The following PSME4 variants were observed in gnomAD, a reference collection of about 807,000 sequenced individuals.
The protein encoded by PSME4 is proteasome activator complex subunit 4.
Under a neutral mutation model 253.9 loss-of-function variants are expected in PSME4, and 89 were observed. The ratio of observed to expected loss-of-function variants is 0.35; its 90% CI spans 0.30 to 0.42. PSME4 has a LOEUF of 0.42. Among genes scored for constraint, PSME4 ranks in the 10% least tolerant of loss-of-function variants. PSME4 has a pLI of 1.00. For synonymous variants in PSME4, 851 were observed against 759.2 expected (o/e 1.12, Z -1.99); for missense variants, 2,014 against 2,195.2 (o/e 0.92, Z 1.65).
chr2:53,947,785 G>A lies in PSME4; in HGVS notation c.500+636C>T, dbSNP rs191564700. Among the ~76,000 whole-genome samples, 219 of 152,266 alleles carry A rather than the reference G, an allele frequency of 1.4e-3. 2 individuals carry two copies. The highest frequency in any genetic ancestry group is 6.8e-3 in the South Asian group (33 of 4,830). On this transcript the variant is annotated intron_variant, in intron 3 of 46. Transcript: ENST00000404125. Reference sequence around the variant, plus strand: ...AATCCCAGGACTTTGGGAGGCCAAGGCAGGCAGATCACCTGAGGTCAGGAG... The same window carrying A: ...AATCCCAGGACTTTGGGAGGCCAAGACAGGCAGATCACCTGAGGTCAGGAG...
chr2:53,934,551 G>C, intron 8 of PSME4, 54 bp downstream of exon 8: 1 of 1,553,424 alleles, frequency 6.4e-7, no homozygotes, highest in Non-Finnish European at 8.8e-7. Context: ...ATTTTTGTAA[G>C]GTTAACACAA....
chr2:53,923,913 CAAAAAAAAAA>C (rs199929436), intron 14 of PSME4, among the ~76,000 whole-genome samples: 4,481 of 96,532 alleles, frequency 0.046, 47 homozygotes, highest in East Asian at 0.11. Flanking sequence ...ACAGAGTTAA[CAAAAAAAAAA>C]AAAAAAAAAA....
intron 1 of PSME4, among the ~76,000 whole-genome samples, chr2:53,952,322 C>T (rs913885726): frequency 1.3e-5 from 2 of 152,144 alleles, no homozygotes; most frequent in Non-Finnish European, 2.9e-5. Flanking sequence ...GCAGACGGAT[C>T]ACGAGGTCAA....
intron 2 of PSME4, among the ~76,000 whole-genome samples, 184 bp downstream of exon 2, chr2:53,948,959 G>C (rs1169571132): frequency 6.6e-6 from 1 of 152,184 alleles, no homozygotes; most frequent in African/African-American, 2.4e-5. Flanking sequence ...TCATGGAAGA[G>C]ATGGAATTTT....
chr2:53,933,375 C>CAAAAAAAAAAAAAAAAAAAAA lies in PSME4; in HGVS notation c.958-636_958-616dup, dbSNP rs571833072. Among the ~76,000 whole-genome samples, 11 of 60,614 alleles carry CAAAAAAAAAAAAAAAAAAAAA rather than the reference C, an allele frequency of 1.8e-4. 1 individual carries two copies. Among genetic ancestry groups the CAAAAAAAAAAAAAAAAAAAAA allele is most frequent in the African/African-American group, 5.0e-4 (6 of 11,932 alleles). The allele number at this position is 60,614 out of a possible 152,430, so 39.8% of individuals were successfully genotyped here. ...CCTGGGCGATAGAGCGAGACCATCT[C>CAAAAAAAAAAAAAAAAAAAAA]AAAAAAAAAAAAAAAAAAAAAAAAA... On this transcript the variant is annotated intron_variant, in intron 8 of 46. Transcript: ENST00000404125.
chr2:53,914,168 C>T (rs1387890170), intron 20 of PSME4, among the ~76,000 whole-genome samples: 4 of 152,120 alleles, frequency 2.6e-5, no homozygotes, highest in Admixed American at 6.5e-5. Flanking sequence ...GACTCCTCTA[C>T]CTTGAGTAAC....
intron 14 of PSME4, among the ~76,000 whole-genome samples, chr2:53,923,913 C>CAAAAAAAAAAAAAAAAAAAAAAAAAAAAA (rs199929436): frequency 1.0e-5 from 1 of 96,876 alleles, no homozygotes; most frequent in Non-Finnish European, 2.0e-5. Flanking sequence ...ACAGAGTTAA[C>CAAAAAAAAAAAAAAAAAAAAAAAAAAAAA]AAAAAAAAAA....
intron 20 of PSME4, 136 bp from the exon 21 acceptor site, chr2:53,910,266 A>T (rs1667770719): frequency 4.3e-6 from 3 of 696,170 alleles, no homozygotes; most frequent in Non-Finnish European, 7.6e-6. Context: ...CCCATCTTCA[A>T]TGGGAAAAAT....
At chr2:53,955,257 G>A (rs1047836858) in intron 1 of PSME4, among the ~76,000 whole-genome samples, 1 of 152,156 alleles carries the variant, frequency 6.6e-6, no homozygotes, top group Non-Finnish European at 1.5e-5. Flanking sequence ...TCTAGTATGA[G>A]AATGGCTTGT....
intron 4 of PSME4, 145 bp downstream of exon 4, chr2:53,939,811 A>G: frequency 1.7e-6 from 1 of 577,848 alleles, no homozygotes; most frequent in Middle Eastern, 2.9e-4. Context: ...CAGTTAATGA[A>G]CTGGAAACGG....
intron 1 of PSME4, among the ~76,000 whole-genome samples, chr2:53,959,001 G>A (rs1670358821): frequency 6.6e-6 from 1 of 152,046 alleles, no homozygotes; most frequent in Non-Finnish European, 1.5e-5. Flanking sequence ...AACAAATGGC[G>A]AGAAATAAGG....
At position 53,874,477 on chromosome 2, in the gene PSME4, A is replaced by G; in HGVS notation, c.4962T>C (p.Ser1654=). 6.2e-7 allele frequency: 1 copy of G among 1,613,794 alleles called. No individual in the cohort carries two copies. Among genetic ancestry groups the G allele is most frequent in the Non-Finnish European group, 8.5e-7 (1 of 1,179,928 alleles). The change falls in exon 43 of 47, where the codon TCT becomes TCC. Residue 1654 remains serine, a synonymous_variant. Transcript: ENST00000404125. ...QVLKQTARSS[S]WHARYTVLTY... ...TCAGTACTGTGTATCGTGCATGCCA[A>G]GAACTGCTTCTTGCTGTCTGTGAAT...
chr2:53,965,287 CG>C (rs1670665788), intron 1 of PSME4, among the ~76,000 whole-genome samples: 1 of 149,856 alleles, frequency 6.7e-6, no homozygotes, highest in Non-Finnish European at 1.5e-5. Context: ...CTCCCTCTGT[CG>C]CCTAGCCTGG....
At chr2:53,895,799 T>A in intron 32 of PSME4, 63 bp from the exon 33 acceptor site, 1 of 1,429,350 alleles carries the variant, frequency 7.0e-7, no homozygotes, top group Non-Finnish European at 9.5e-7. Context: ...TATTACCAAA[T>A]TTCAATCAAC....
At chr2:53,884,504 G>T (rs544385086) in intron 41 of PSME4, among the ~76,000 whole-genome samples, 2 of 151,980 alleles carry the variant, frequency 1.3e-5, no homozygotes, top group African/African-American at 4.8e-5. Context: ...CCACCACACC[G>T]GGCCTCTATC....
intron 22 of PSME4, 65 bp downstream of exon 22, chr2:53,908,719 A>C: frequency 6.8e-7 from 1 of 1,461,628 alleles, no homozygotes; most frequent in Admixed American, 2.0e-5. Context: ...CATGCATGTT[A>C]TAGATTAAAA....
At chr2:53,909,514 T>C (rs1667728928) in intron 21 of PSME4, among the ~76,000 whole-genome samples, 1 of 152,182 alleles carries the variant, frequency 6.6e-6, no homozygotes. Flanking sequence ...CCTCTGTACA[T>C]AGCATTCAAA....
At chr2:53,926,500 C>G (rs901706688) in intron 12 of PSME4, among the ~76,000 whole-genome samples, 1 of 152,082 alleles carries the variant, frequency 6.6e-6, no homozygotes, top group Non-Finnish European at 1.5e-5. Context: ...ATGGCAAAAC[C>G]CCATCGCTAC....
chr2:53,908,806 A>G lies in PSME4; in HGVS notation c.2607T>C (p.Ala869=), dbSNP rs749746682. 3.1e-6 allele frequency: 5 copies of G among 1,604,946 alleles called. No homozygotes were observed. In the Admixed American group the frequency reaches 8.4e-5, roughly 27 times the overall value. ...TACTAAGAAGTTTCCTTATAACTGT[A>G]GCAATTACTTCTCGGTGGTTCTCTC... is the stretch of plus-strand genomic sequence containing the variant. ...LSRENHREVI[A]TVIRKLLNHI... The change falls in exon 22 of 47, where the codon GCT becomes GCC. Residue 869 remains alanine, a synonymous_variant. Transcript: ENST00000404125.
Sources: allele counts gnomAD v4.1 joint callset (sites outside exome capture counted in the v4.1 genomes callset), GRCh38; gene constraint gnomAD v4.1.1; transcripts MANE v1.5; gene names NCBI Gene and HGNC (gene_info 2026-07-23, HGNC 2026-07-21).